The following RTN3 variants were observed in gnomAD, a reference collection of about 807,000 sequenced individuals.
The protein encoded by RTN3 is reticulon-3.
A neutral mutation model predicts 77.8 loss-of-function variants in RTN3; 49 were observed. That is an observed-to-expected ratio of 0.63 (90% CI 0.50 to 0.80). RTN3 has a LOEUF of 0.80. Ranked by LOEUF, RTN3 falls within the 30% of genes least tolerant of loss-of-function variation. The pLI, the probability that RTN3 is intolerant of heterozygous loss-of-function variation, is 0.00. For synonymous variants in RTN3, 464 were observed against 446.9 expected (o/e 1.04, Z -0.48); for missense variants, 1,236 against 1,211.9 (o/e 1.02, Z -0.29).
At chr11:63,702,550 A>G (rs543406391) in intron 1 of RTN3, among the ~76,000 whole-genome samples, 3 of 151,796 alleles carry the variant, frequency 2.0e-5, no homozygotes, top group Admixed American at 2.0e-4. Context: ...TCCTGACCTC[A>G]TGATCCATCT....
chr11:63,741,242 G>A (rs619313), intron 3 of RTN3, among the ~76,000 whole-genome samples: 4 of 149,462 alleles, frequency 2.7e-5, no homozygotes, highest in Non-Finnish European at 4.4e-5. Flanking sequence ...CGCTCTTGTC[G>A]CCCAGGCTGC....
At chr11:63,695,795 A>G (rs1045219615) in intron 1 of RTN3, among the ~76,000 whole-genome samples, 2 of 152,230 alleles carry the variant, frequency 1.3e-5, no homozygotes, top group African/African-American at 2.4e-5. Context: ...GGCTAAGGAG[A>G]CATGATGACA....
chr11:63,724,652 C>T (rs184802005), intron 3 of RTN3, among the ~76,000 whole-genome samples: 10 of 151,948 alleles, frequency 6.6e-5, no homozygotes, highest in Admixed American at 1.3e-4. Flanking sequence ...CCACCACGCC[C>T]GGCTAATTTT....
intron 3 of RTN3, among the ~76,000 whole-genome samples, chr11:63,736,303 A>C (rs1285501133): frequency 6.6e-6 from 1 of 152,170 alleles, no homozygotes; most frequent in Non-Finnish European, 1.5e-5. Flanking sequence ...TATCAAGAGA[A>C]TCTTATACAG....
intron 3 of RTN3, among the ~76,000 whole-genome samples, chr11:63,737,245 C>G (rs952742871): frequency 3.9e-5 from 6 of 152,170 alleles, no homozygotes; most frequent in African/African-American, 1.4e-4. Flanking sequence ...TCCAAGAATG[C>G]ATAGGAAAAC....
chr11:63,687,026 A>G (rs984487180), intron 1 of RTN3, among the ~76,000 whole-genome samples: 4 of 152,174 alleles, frequency 2.6e-5, no homozygotes, highest in Non-Finnish European at 5.9e-5. Flanking sequence ...TCATTTTCAC[A>G]CTTTGTTCTA....
intron 2 of RTN3, among the ~76,000 whole-genome samples, chr11:63,707,976 CT>C (rs1304790608): frequency 6.6e-5 from 10 of 152,214 alleles, no homozygotes; most frequent in African/African-American, 2.4e-4. Context: ...CATTGGCAGT[CT>C]AGAGGTTAGC....
At chr11:63,750,294 AT>A in intron 4 of RTN3, 96 bp downstream of exon 4, 1 of 1,015,022 alleles carries the variant, frequency 9.9e-7, no homozygotes, top group South Asian at 1.5e-5. Context: ...AAAATCAAGA[AT>A]TATGGGGCCT....
At chr11:63,690,442 A>T (rs2134637985) in intron 1 of RTN3, among the ~76,000 whole-genome samples, 1 of 152,286 alleles carries the variant, frequency 6.6e-6, no homozygotes, top group South Asian at 2.1e-4. Context: ...TAAAATATAG[A>T]TCATTCCTCT....
intron 3 of RTN3, among the ~76,000 whole-genome samples, chr11:63,736,731 A>T (rs752917063): frequency 4.6e-5 from 7 of 152,186 alleles, no homozygotes; most frequent in Non-Finnish European, 8.8e-5. Context: ...TCTAGGTTAT[A>T]TGCAAATACC....
chr11:63,711,490 A>G (rs2011159829), intron 2 of RTN3, among the ~76,000 whole-genome samples: 1 of 151,764 alleles, frequency 6.6e-6, no homozygotes, highest in African/African-American at 2.4e-5. Flanking sequence ...TCCAGGCTCA[A>G]GCAATCCTCC....
chr11:63,711,721 C>A (rs1465842319), intron 2 of RTN3, among the ~76,000 whole-genome samples: 1 of 152,114 alleles, frequency 6.6e-6, no homozygotes, highest in East Asian at 1.9e-4. Context: ...TGCACCACTA[C>A]TCCCAGCTAG....
At chr11:63,746,910 A>G (rs1167125570) in intron 3 of RTN3, 2 of 453,214 alleles carry the variant, frequency 4.4e-6, no homozygotes, top group Non-Finnish European at 8.9e-6. Context: ...CAGTTGTACC[A>G]ATGATGTCTT....
intron 3 of RTN3, among the ~76,000 whole-genome samples, chr11:63,743,856 C>T (rs1452272219): frequency 1.3e-5 from 2 of 152,066 alleles, no homozygotes; most frequent in Admixed American, 1.3e-4. Flanking sequence ...CCAGAGGTTG[C>T]AGTGAGCCGA....
At chr11:63,713,612 A>T (rs1193222716) in intron 2 of RTN3, among the ~76,000 whole-genome samples, 1 of 152,116 alleles carries the variant, frequency 6.6e-6, no homozygotes, top group Non-Finnish European at 1.5e-5. Flanking sequence ...CACTCAGCTG[A>T]TTCCCTTTTT....
At position 63,729,456 on chromosome 11, in the gene RTN3, TTTTG is replaced by T. The variant is rs1422831324; in HGVS notation, c.2530+8433_2530+8436del. ...TTCTGCTTTTTTTTTTTTTTTTTTT[TTTTG>T]TTTGTTTGAGACAGGATCTGGCTCT... On this transcript the variant is annotated intron_variant, in intron 3 of 8. Coordinates refer to ENST00000377819, the MANE Select transcript of RTN3 (RefSeq NM_001265589.2). Among the ~76,000 whole-genome samples the T allele has an allele frequency of 7.7e-3, 905 of 117,478 alleles. 9 individuals are homozygous for T. Among genetic ancestry groups the T allele is most frequent in the Middle Eastern group, 0.033 (6 of 182 alleles). The allele number at this position is 117,478 out of a possible 152,430, so 77.1% of individuals were successfully genotyped here.
intron 3 of RTN3, among the ~76,000 whole-genome samples, chr11:63,724,209 G>A (rs1389219019): frequency 8.3e-6 from 1 of 120,142 alleles, no homozygotes; most frequent in Non-Finnish European, 1.6e-5. Context: ...TTGAGACAGA[G>A]TCTCGCTCTG....
chr11:63,696,622 T>G (rs1376106415), intron 1 of RTN3, among the ~76,000 whole-genome samples: 14 of 141,344 alleles, frequency 9.9e-5, no homozygotes, highest in Admixed American at 5.2e-4. Flanking sequence ...CTTGGCTCAC[T>G]GCAACCTCCA....
chr11:63,757,923 G>A (rs1376916571), intron 8 of RTN3, among the ~76,000 whole-genome samples: 1 of 151,798 alleles, frequency 6.6e-6, no homozygotes, highest in African/African-American at 2.4e-5. Context: ...TAGAGACAGG[G>A]TTTCACCACA....
Sources: allele counts gnomAD v4.1 joint callset (sites outside exome capture counted in the v4.1 genomes callset), GRCh38; gene constraint gnomAD v4.1.1; transcripts MANE v1.5; gene names NCBI Gene and HGNC (gene_info 2026-07-23, HGNC 2026-07-21).